Variants in SPTBN4 observed in about 807,000 individuals in gnomAD.
SPTBN4 encodes the protein spectrin beta, non-erythrocytic 4.
SPTBN4 carries 96 observed loss-of-function variants against 277.8 expected under a neutral mutation model. The ratio of observed to expected loss-of-function variants is 0.35; its 90% CI spans 0.29 to 0.41. The LOEUF is 0.41. SPTBN4 is among the 10% of genes least tolerant of loss of function. The probability of loss-of-function intolerance (pLI) is 1.00; values close to 1 mark genes in which losing one functional copy is unlikely to be tolerated. For missense variants in SPTBN4, 3,006 were observed against 3,595.7 expected, an observed-to-expected ratio of 0.84 and a Z score of 4.19; for synonymous variants, 1,481 against 1,580.3, an observed-to-expected ratio of 0.94 and a Z score of 1.49.
At chr19:40,564,491 G>A (rs571742817) in intron 27 of SPTBN4, among the ~76,000 whole-genome samples, 1 of 152,314 alleles carries the variant, frequency 6.6e-6, no homozygotes, top group South Asian at 2.1e-4. Context: ...GACTTGGAAC[G>A]TTAAAATCAT....
chr19:40,506,677 A>ATT (rs2145855342), intron 13 of SPTBN4, among the ~76,000 whole-genome samples: 1 of 152,236 alleles, frequency 6.6e-6, no homozygotes, highest in Admixed American at 6.5e-5. Context: ...AACGAATACC[A>ATT]TTTAAAAAGA....
Position 40,557,330 on chromosome 19 carries a change from C to T in SPTBN4, c.5597C>T (p.Pro1866Leu), listed in dbSNP as rs1289334624. The stretch of plus-strand genomic sequence containing the variant: ...CCCCGCCTGACCACCCCGCCTGAGC[C>T]GAGACCCAGTGCCAGTTCCATGCAG... ...RLPRLTTPPE[P>L]RPSASSMQRT... Residue 1866 changes from proline to leucine, a missense_variant, in exon 26 of 36, where the codon CCG becomes CTG. Pro to Leu is a moderately conservative substitution (Grantham distance 98). This residue lies in a region of SPTBN4 where 425 missense variants were observed against 594.7 expected (regional missense o/e 0.71). Transcript: ENST00000598249. 2.5e-6 allele frequency: 4 copies of T among 1,612,612 alleles called. No individual in the cohort carries two copies. Among genetic ancestry groups the T allele is most frequent in the Admixed American group, 3.3e-5 (2 of 59,850 alleles).
chr19:40,519,860 C>T lies in SPTBN4; in HGVS notation c.3363C>T (p.Ser1121=), dbSNP rs761318352. 47 of 1,485,628 alleles carry T rather than the reference C, an allele frequency of 3.2e-5. 1 individual carries two copies. In the South Asian group the frequency reaches 6.1e-4, roughly 19 times the overall value. The allele number at this position is 1,485,628 out of a possible 1,614,324, so 92.0% of individuals were successfully genotyped here. The change falls in exon 16 of 36, where the codon AGC becomes AGT. Residue 1121 remains serine, a synonymous_variant. Coordinates refer to ENST00000598249, the MANE Select transcript of SPTBN4 (RefSeq NM_020971.3). This position sits in a 1 kb window ranked among gnomAD's most constrained non-coding sequence, Gnocchi z 5.7. ...AGGSEGPLPN[S]LEEADALLAR... ...GCAGCGAGGGGCCCCTGCCCAACAG[C>T]CTAGAAGAGGCGGACGCGCTGCTGG...
Position 40,472,607 on chromosome 19 carries a change from G to A in SPTBN4, c.-15G>A. On this transcript the variant is annotated splice_region_variant and 5_prime_UTR_variant, in exon 2 of 36. Transcript: ENST00000598249. ...CTAACCTACCTCTCCCTATGTCCAG[G>A]CCTCACCTTCCCCGATGGCGCAGGT... The A allele has an allele frequency of 6.2e-7, 1 of 1,606,526 alleles. No homozygotes were observed. The highest frequency in any genetic ancestry group is 8.5e-7 in the Non-Finnish European group (1 of 1,175,092).
At chr19:40,474,209 A>G (rs188661700) in intron 2 of SPTBN4, among the ~76,000 whole-genome samples, 1 of 150,556 alleles carries the variant, frequency 6.6e-6, no homozygotes, top group Non-Finnish European at 1.5e-5. Flanking sequence ...CGTTATCATC[A>G]CAGACCTAAG....
intron 14 of SPTBN4, 51 bp downstream of exon 14, chr19:40,513,605 C>T: frequency 6.9e-7 from 1 of 1,456,416 alleles, no homozygotes; most frequent in Non-Finnish European, 9.1e-7. Context: ...TGCACCCAGT[C>T]TCACCTTCAT....
At chr19:40,548,457 T>C (rs1183909129) in intron 20 of SPTBN4, among the ~76,000 whole-genome samples, 2 of 151,778 alleles carry the variant, frequency 1.3e-5, no homozygotes, top group Non-Finnish European at 2.9e-5. Context: ...CCCACTGCAC[T>C]CCAGCCTGGA....
At chr19:40,548,830 T>TA (rs2080885325) in intron 20 of SPTBN4, among the ~76,000 whole-genome samples, 1 of 152,176 alleles carries the variant, frequency 6.6e-6, no homozygotes, top group Non-Finnish European at 1.5e-5. Flanking sequence ...TCCTCCTCTG[T>TA]AAAACAGGGA....
At chr19:40,510,302 G>T (rs1044225549) in intron 13 of SPTBN4, among the ~76,000 whole-genome samples, 26 of 150,344 alleles carry the variant, frequency 1.7e-4, no homozygotes, top group East Asian at 3.9e-4. Context: ...TTTTTTTTTT[G>T]TTGTTGTTGT....
intron 5 of SPTBN4, among the ~76,000 whole-genome samples, chr19:40,493,369 C>T (rs2080159735): frequency 6.6e-6 from 1 of 152,184 alleles, no homozygotes; most frequent in East Asian, 1.9e-4. Flanking sequence ...CCTCCTCAGC[C>T]TCCCAAGTAG....
In SPTBN4 at chr19:40,512,983, G is replaced by A. The variant is rs1412447398; in HGVS notation, c.2194G>A (p.Val732Ile). 7.1e-7 allele frequency: 1 copy of A among 1,413,444 alleles called. No individual in the cohort carries two copies. The highest frequency in any genetic ancestry group is 9.1e-7 in the Non-Finnish European group (1 of 1,093,428). 87.6% of individuals were successfully genotyped at this position (1,413,444 alleles called of 1,614,324 possible). Residue 732 changes from valine to isoleucine, a missense_variant, in exon 14 of 36, where the codon GTC becomes ATC. Coordinates refer to ENST00000598249, the MANE Select transcript of SPTBN4 (RefSeq NM_020971.3). Reference sequence around the variant, plus strand: ...GGAGCTGGTTGCGGCCGGCGGTGCCGTCGGCCCGGGAGCAGACACCGTGCA... The same window carrying A: ...GGAGCTGGTTGCGGCCGGCGGTGCCATCGGCCCGGGAGCAGACACCGTGCA... ...GEELVAAGGA[V>I]GPGADTVHLV... is the part of the protein sequence containing the mutation.
intron 25 of SPTBN4, among the ~76,000 whole-genome samples, chr19:40,556,593 G>T (rs1490026028): frequency 6.6e-6 from 1 of 151,930 alleles, no homozygotes; most frequent in Non-Finnish European, 1.5e-5. Flanking sequence ...TTATGATGAT[G>T]ATGATGATGA....
At chr19:40,531,207 G>C (rs1469570555) in intron 18 of SPTBN4, among the ~76,000 whole-genome samples, 6 of 152,092 alleles carry the variant, frequency 3.9e-5, no homozygotes. Context: ...ATCTCTTTAA[G>C]GGCTCTGCTT....
In SPTBN4 at chr19:40,504,053, C is replaced by T. The variant is rs1479759260; in HGVS notation, c.1586C>T (p.Thr529Ile). The change falls in exon 12 of 36, where the codon ACA becomes ATA. Residue 529 changes from threonine (T) to isoleucine (I), a missense_variant. By Grantham distance (89) the Thr-to-Ile change is moderately conservative (BLOSUM62 -1). Around this residue, in one of 5 missense-constraint regions of SPTBN4, gnomAD observed 1,759 missense variants for 2,061.5 expected, o/e 0.85. Transcript: ENST00000598249. The stretch of plus-strand genomic sequence containing the variant: ...ACTGGGCTTGTGGGTGCCCGGCGGA[C>T]ACGACTTGAGCAGAACCTTGCCCTG... ...LLTGLVGARR[T>I]RLEQNLALQK... is the part of the protein sequence containing the mutation. 3.1e-6 allele frequency: 5 copies of T among 1,612,106 alleles called. No homozygotes were observed. In the East Asian group the frequency reaches 1.1e-4, roughly 36 times the overall value.
At chr19:40,570,937 C>T (rs1461618247) in intron 33 of SPTBN4, 1 of 537,882 alleles carries the variant, frequency 1.9e-6, no homozygotes, top group African/African-American at 2.0e-5. Context: ...ACGTCAGGCC[C>T]TCCAACCCGT....
chr19:40,571,828 G>T (rs998047876), intron 33 of SPTBN4, 191 bp from the exon 34 acceptor site: 3 of 523,586 alleles, frequency 5.7e-6, no homozygotes, highest in Non-Finnish European at 3.3e-6. Flanking sequence ...TTGATACTGA[G>T]AGACTTAAAT....
At position 40,529,005 on chromosome 19, in the gene SPTBN4, G is replaced by A. The variant is rs1461008; in HGVS notation, c.3858-36G>A. On this transcript the variant is annotated intron_variant, in intron 17 of 35. Transcript: ENST00000598249. ...CTGCCAGCGCCGCACCCCCCAACCC[G>A]GGGCCTTTCCCCAGCCCTTATCTCC... The A allele has an allele frequency of 0.48, 753,386 of 1,576,766 alleles. 189,057 individuals are homozygous for A. The highest frequency in any genetic ancestry group is 0.52 in the Non-Finnish European group (597,398 of 1,147,888).
intron 7 of SPTBN4, among the ~76,000 whole-genome samples, chr19:40,500,649 G>A (rs2080253618): frequency 6.6e-6 from 1 of 152,080 alleles, no homozygotes; most frequent in Admixed American, 6.6e-5. Context: ...GAGAGACCCT[G>A]TCTATGTTTT....
intron 7 of SPTBN4, among the ~76,000 whole-genome samples, chr19:40,501,020 G>A (rs1211275617): frequency 6.6e-6 from 1 of 152,014 alleles, no homozygotes; most frequent in Non-Finnish European, 1.5e-5. Flanking sequence ...GATGCTAAGA[G>A]GAGAATAACA....
Sources: gnomAD v4.1 joint callset for allele counts (sites outside exome capture counted in the v4.1 genomes callset) on GRCh38, gnomAD v4.1.1 for gene constraint, gnomAD v4.1.1 regional missense constraint, Gnocchi (gnomAD v3.1) non-coding constraint, MANE v1.5 for transcripts, NCBI Gene and HGNC (gene_info 2026-07-23, HGNC 2026-07-21) for gene names.